Variants in ZEB1 observed in about 807,000 individuals in gnomAD.
The protein encoded by ZEB1 is zinc finger E-box binding homeobox 1.
ZEB1 carries 21 observed loss-of-function variants against 84.9 expected under a neutral mutation model. The ratio of observed to expected loss-of-function variants is 0.25; its 90% CI spans 0.18 to 0.36. ZEB1 has a LOEUF of 0.36. Ranked by LOEUF, ZEB1 falls within the 10% of genes least tolerant of loss-of-function variation. The pLI, the probability that ZEB1 is intolerant of heterozygous loss-of-function variation, is 1.00. For missense variants in ZEB1, 1,104 were observed against 1,330.2 expected (o/e 0.83, Z 2.65); for synonymous variants, 420 against 471.1 (o/e 0.89, Z 1.41).
chr10:31,423,960 A>T (rs2056575490), intron 1 of ZEB1, among the ~76,000 whole-genome samples: 1 of 151,952 alleles, frequency 6.6e-6, no homozygotes, highest in African/African-American at 2.4e-5. Context: ...TTCTGTAATG[A>T]TCAATTTTTA....
At chr10:31,443,159 T>A (rs1394850593) in intron 1 of ZEB1, among the ~76,000 whole-genome samples, 1 of 152,228 alleles carries the variant, frequency 6.6e-6, no homozygotes, top group Non-Finnish European at 1.5e-5. Context: ...TTTTACATGT[T>A]TATTGGGCAT....
At chr10:31,336,991 A>C (rs1184239311) in intron 1 of ZEB1, among the ~76,000 whole-genome samples, 1 of 152,190 alleles carries the variant, frequency 6.6e-6, no homozygotes, top group Non-Finnish European at 1.5e-5. Flanking sequence ...CTATACAGAC[A>C]TACCAGGTAA....
At chr10:31,485,774 TAC>T (rs147066136) in intron 2 of ZEB1, among the ~76,000 whole-genome samples, 2 of 151,282 alleles carry the variant, frequency 1.3e-5, no homozygotes, top group Non-Finnish European at 3.0e-5. Context: ...TGAGCTTTAA[TAC>T]ACACACACAC....
At chr10:31,507,701 T>G (rs1438905886) in intron 4 of ZEB1, among the ~76,000 whole-genome samples, 1 of 152,030 alleles carries the variant, frequency 6.6e-6, no homozygotes, top group African/African-American at 2.4e-5. Context: ...ACTTACCTCT[T>G]TGGTAAATTT....
chr10:31,433,138 G>C (rs1207349195), intron 1 of ZEB1, among the ~76,000 whole-genome samples: 2 of 152,134 alleles, frequency 1.3e-5, no homozygotes, highest in Non-Finnish European at 2.9e-5. Flanking sequence ...CTGCTCTCTT[G>C]AACTTTGAGT....
At chr10:31,454,613 T>TA (rs2060980633) in intron 1 of ZEB1, among the ~76,000 whole-genome samples, 4 of 152,066 alleles carry the variant, frequency 2.6e-5, no homozygotes, top group South Asian at 4.1e-4. Context: ...CAAGCATTCC[T>TA]ATACACCAAT....
chr10:31,526,770 C>G lies in ZEB1; in HGVS notation c.2884C>G (p.Gln962Glu), dbSNP rs1002948043. 5.6e-6 allele frequency: 9 copies of G among 1,613,978 alleles called. No individual in the cohort carries two copies. In the African/African-American group the frequency reaches 1.1e-4, roughly 19 times the overall value. The change falls in exon 9 of 9, where the codon CAA (glutamine) becomes GAA (glutamate). Residue 962 changes from glutamine (Q) to glutamate (E), a missense_variant. Gln to Glu is a conservative substitution (Grantham distance 29). Coordinates refer to ENST00000424869, the MANE Select transcript of ZEB1 (RefSeq NM_001174096.2). ...MRLHSGEKPYQCDKCGKRFSH... is the reference protein window; with the variant it reads ...MRLHSGEKPYECDKCGKRFSH... Reference sequence around the variant, plus strand: ...ATTACATTCTGGAGAAAAGCCCTATCAATGTGACAAATGTGGAAAGCGCTT... The same window carrying G: ...ATTACATTCTGGAGAAAAGCCCTATGAATGTGACAAATGTGGAAAGCGCTT...
rs2061502333 is a variant in ZEB1 at position 31,458,565 on chromosome 10, G to A, written c.59-2472G>A. On this transcript the variant is annotated intron_variant, in intron 1 of 8. Coordinates refer to ENST00000424869, the MANE Select transcript of ZEB1 (RefSeq NM_001174096.2). ...CGTATTTTCTCATTACTATATTAAA[G>A]TGACTTTTTTCTTTATTGTATTGAT... Among the ~76,000 whole-genome samples, 3 of 152,020 alleles carry A rather than the reference G, an allele frequency of 2.0e-5. No homozygotes were observed. The South Asian group carries it at 6.2e-4, about 32-fold the overall frequency.
intron 6 of ZEB1, among the ~76,000 whole-genome samples, chr10:31,519,212 A>G (rs1281646092): frequency 1.3e-5 from 2 of 152,208 alleles, no homozygotes; most frequent in Non-Finnish European, 2.9e-5. Flanking sequence ...TAACCTTTAA[A>G]TTATAAATTA....
intron 3 of ZEB1, among the ~76,000 whole-genome samples, chr10:31,500,077 TAA>T (rs1265316532): frequency 3.3e-5 from 5 of 151,998 alleles, no homozygotes; most frequent in African/African-American, 1.2e-4. Context: ...GTAGAAAATA[TAA>T]GATGGAGATT....
At chr10:31,346,623 A>G (rs1372733511) in intron 1 of ZEB1, among the ~76,000 whole-genome samples, 1 of 151,898 alleles carries the variant, frequency 6.6e-6, no homozygotes, top group East Asian at 1.9e-4. Context: ...TCATGTCTTG[A>G]TAAGTCAAGA....
chr10:31,494,602 T>C (rs139815099), intron 2 of ZEB1, among the ~76,000 whole-genome samples: 7 of 152,102 alleles, frequency 4.6e-5, no homozygotes, highest in African/African-American at 1.7e-4. Flanking sequence ...TAGTGCAATT[T>C]GATTAGGGTG....
At chr10:31,455,242 C>G (rs1041343687) in intron 1 of ZEB1, among the ~76,000 whole-genome samples, 1 of 152,148 alleles carries the variant, frequency 6.6e-6, no homozygotes, top group East Asian at 1.9e-4. Flanking sequence ...CCCTTCCTTA[C>G]ACTTTATACA....
intron 1 of ZEB1, among the ~76,000 whole-genome samples, chr10:31,369,440 A>C (rs1291655432): frequency 6.6e-6 from 1 of 152,170 alleles, no homozygotes; most frequent in East Asian, 1.9e-4. Flanking sequence ...TCCACATGCA[A>C]GTGAGATCAT....
chr10:31,387,143 C>T lies in ZEB1; in HGVS notation c.58+67851C>T, dbSNP rs1564677355. ...CCTTAGGACAACCTTAAACTTCCAC[C>T]ACAAGAGGAATATAAAGAGGTCCCT... is the stretch of plus-strand genomic sequence containing the variant. On this transcript the variant is annotated intron_variant, in intron 1 of 8. Coordinates refer to ENST00000424869, the MANE Select transcript of ZEB1 (RefSeq NM_001174096.2). 3 of 985,584 alleles carry T rather than the reference C, an allele frequency of 3.0e-6. No homozygotes were observed. In the African/African-American group the frequency reaches 5.2e-5, roughly 17 times the overall value. The allele number at this position is 985,584 out of a possible 1,614,324, so 61.1% of individuals were successfully genotyped here.
At chr10:31,318,872 AC>A (rs1157121006), upstream of ZEB1, 2 of 349,372 alleles carry the variant, frequency 5.7e-6, no homozygotes, top group Non-Finnish European at 1.1e-5. Context: ...CGGAGGCAGG[AC>A]GCCGCCGAGC....
In ZEB1 at chr10:31,461,141, G is replaced by C. The variant is rs745709708; in HGVS notation, c.163G>C (p.Gly55Arg). The change falls in exon 2 of 9, where the codon GGT becomes CGT. Residue 55 changes from glycine (G) to arginine (R), a missense_variant. This residue lies in a region of ZEB1 where 162 missense variants were observed against 184.5 expected (regional missense o/e 0.88). Coordinates refer to ENST00000424869, the MANE Select transcript of ZEB1 (RefSeq NM_001174096.2). ...TGTTACAGATGCAGCTGACTGTGAA[G>C]GTGTACCAGAGGATGACCTGCCAAC... ...ESVTDAADCE[G>R]VPEDDLPTDQ... is the part of the protein sequence containing the mutation. The C allele has an allele frequency of 6.2e-7, 1 of 1,613,542 alleles. No homozygotes were observed. The highest frequency in any genetic ancestry group is 8.5e-7 in the Non-Finnish European group (1 of 1,179,702).
Position 31,319,272 on chromosome 10 carries a change from C to T in ZEB1, c.38C>T (p.Ala13Val). 6.2e-7 allele frequency: 1 copy of T among 1,609,470 alleles called. No homozygotes were observed. Among genetic ancestry groups the T allele is most frequent in the Non-Finnish European group, 8.5e-7 (1 of 1,178,548 alleles). The stretch of plus-strand genomic sequence containing the variant: ...CCCAGGTGTAAGCGCAGAAAGCAGG[C>T]GAACCCGCGGCGCAATAACGGTGAG... ...DGPRCKRRKQ[A>V]NPRRNNVTNY... Residue 13 changes from alanine (A) to valine (V), a missense_variant, in exon 1 of 9, where the codon GCG becomes GTG. Around this residue, in one of 7 missense-constraint regions of ZEB1, gnomAD observed 162 missense variants for 184.5 expected, o/e 0.88. Transcript: ENST00000424869.
intron 2 of ZEB1, among the ~76,000 whole-genome samples, chr10:31,473,384 C>G (rs1403333308): frequency 2.0e-5 from 3 of 151,414 alleles, no homozygotes; most frequent in Non-Finnish European, 4.4e-5. Context: ...AATCAATGTA[C>G]AAAAATCACA....
Sources: gnomAD v4.1 joint callset for allele counts (sites outside exome capture counted in the v4.1 genomes callset) on GRCh38, gnomAD v4.1.1 for gene constraint, gnomAD v4.1.1 regional missense constraint, MANE v1.5 for transcripts, NCBI Gene and HGNC (gene_info 2026-07-23, HGNC 2026-07-21) for gene names.